ZNF423: variants seen among roughly 807,000 people sequenced by gnomAD.
ZNF423 encodes the protein Ebf-associated zinc finger protein.
In ZNF423, 12 loss-of-function variants were observed where a neutral mutation model predicts 95.8. The observed-to-expected ratio is 0.13, with a 90% CI of 0.08 to 0.20. ZNF423 has a LOEUF of 0.20. Among genes scored for constraint, ZNF423 ranks in the 10% least tolerant of loss-of-function variants. The pLI is 1.00. For missense variants in ZNF423, 1,316 were observed against 1,737.1 expected, an observed-to-expected ratio of 0.76 and a Z score of 4.31; for synonymous variants, 749 against 711.9, an observed-to-expected ratio of 1.05 and a Z score of -0.83.
At chr16:49,772,975 A>C (rs928236210) in intron 2 of ZNF423, among the ~76,000 whole-genome samples, 3 of 152,242 alleles carry the variant, frequency 2.0e-5, no homozygotes, top group African/African-American at 7.2e-5. Context: ...CCTTCTTCAC[A>C]GGGTGGCAGG....
At chr16:49,800,635 G>T (rs1297908036) in intron 1 of ZNF423, among the ~76,000 whole-genome samples, 1 of 152,172 alleles carries the variant, frequency 6.6e-6, no homozygotes. Context: ...CCCAATGTGA[G>T]CAGGAAAGGC....
At chr16:49,786,142 C>T (rs960802219) in intron 2 of ZNF423, among the ~76,000 whole-genome samples, 8 of 152,240 alleles carry the variant, frequency 5.3e-5, no homozygotes, top group Non-Finnish European at 7.3e-5. Flanking sequence ...CCGCTCCCCA[C>T]GCCCCCGCCT....
chr16:49,525,750 A>C (rs912209229), intron 5 of ZNF423, among the ~76,000 whole-genome samples: 5 of 152,176 alleles, frequency 3.3e-5, no homozygotes, highest in Non-Finnish European at 7.3e-5. Context: ...CTGCTGATCA[A>C]GCAGCCAGGT....
intron 5 of ZNF423, among the ~76,000 whole-genome samples, chr16:49,565,562 C>T (rs1970160739): frequency 6.6e-6 from 1 of 152,110 alleles, no homozygotes; most frequent in Admixed American, 6.5e-5. Flanking sequence ...TTGTGGAAGC[C>T]CTCCCACGTG....
chr16:49,818,444 G>A (rs1597038216), intron 1 of ZNF423, among the ~76,000 whole-genome samples: 2 of 152,196 alleles, frequency 1.3e-5, no homozygotes, highest in South Asian at 2.1e-4. Context: ...GCATGGTGGT[G>A]CATGCATATA....
intron 5 of ZNF423, among the ~76,000 whole-genome samples, chr16:49,601,841 C>A (rs143009909): frequency 6.6e-6 from 1 of 152,230 alleles, no homozygotes; most frequent in Non-Finnish European, 1.5e-5. Flanking sequence ...GGAGCCAGGG[C>A]GGAGGAAACA....
intron 1 of ZNF423, among the ~76,000 whole-genome samples, chr16:49,844,485 A>G (rs1439103066): frequency 6.6e-6 from 1 of 152,030 alleles, no homozygotes; most frequent in East Asian, 1.9e-4. Flanking sequence ...TGCAGCTCCC[A>G]CCTCCTCATC....
At chr16:49,697,007 C>T (rs1381893472) in intron 3 of ZNF423, among the ~76,000 whole-genome samples, 1 of 152,186 alleles carries the variant, frequency 6.6e-6, no homozygotes, top group South Asian at 2.1e-4. Context: ...CACAGGGAAT[C>T]GCCGGAGGGT....
At chr16:49,737,597 G>A (rs1335052451) in intron 2 of ZNF423, among the ~76,000 whole-genome samples, 1 of 152,244 alleles carries the variant, frequency 6.6e-6, no homozygotes, top group Non-Finnish European at 1.5e-5. Context: ...AAGGCAGAAA[G>A]GGAATGCCTG....
chr16:49,521,999 A>G (rs1968417541), intron 7 of ZNF423, among the ~76,000 whole-genome samples: 2 of 152,242 alleles, frequency 1.3e-5, no homozygotes, highest in African/African-American at 4.8e-5. Flanking sequence ...ACAACAGGCC[A>G]CAGCTGTGCC....
intron 5 of ZNF423, among the ~76,000 whole-genome samples, chr16:49,544,543 G>A (rs537323739): frequency 2.6e-5 from 4 of 152,316 alleles, no homozygotes; most frequent in South Asian, 2.1e-4. Context: ...AACTTCCTCC[G>A]TGACAGGTGA....
chr16:49,852,640 G>A (rs972717006), intron 1 of ZNF423, among the ~76,000 whole-genome samples: 3 of 152,108 alleles, frequency 2.0e-5, no homozygotes, highest in Admixed American at 6.6e-5. Flanking sequence ...AAAAAGGGGA[G>A]AAAGGTGTAG....
intron 3 of ZNF423, chr16:49,730,469 C>A (rs2033135682): frequency 2.3e-6 from 1 of 431,776 alleles, no homozygotes; most frequent in East Asian, 4.6e-5. Context: ...TTCCAAAAGG[C>A]CTTCCAGAAA....
rs139380625 is a variant in ZNF423, at chr16:49,779,244, A to C, written c.100+10243T>G. Among the ~76,000 whole-genome samples, 1,117 of 152,000 alleles carry C rather than the reference A, an allele frequency of 7.3e-3. 5 individuals carry two copies. Among genetic ancestry groups the C allele is most frequent in the Admixed American group, 0.016 (248 of 15,262 alleles). Reference sequence around the variant, plus strand: ...GCATCAGGGAGCTGGGTATAAGAGAAGGAACATTAGAACCAAGCAGAGGGC... The same window carrying C: ...GCATCAGGGAGCTGGGTATAAGAGACGGAACATTAGAACCAAGCAGAGGGC... On this transcript the variant is annotated intron_variant, in intron 2 of 7. Transcript: ENST00000563137.
intron 1 of ZNF423, chr16:49,822,614 TTC>T: frequency 6.8e-7 from 1 of 1,459,942 alleles, no homozygotes; most frequent in Non-Finnish European, 9.3e-7. Flanking sequence ...TTCGAGCTCC[TTC>T]TGTCTGCCTA....
intron 5 of ZNF423, among the ~76,000 whole-genome samples, chr16:49,539,416 T>A (rs1343217643): frequency 6.6e-6 from 1 of 152,208 alleles, no homozygotes; most frequent in African/African-American, 2.4e-5. Flanking sequence ...GCTATAGCTT[T>A]CTGGTGGCAC....
chr16:49,596,249 A>G (rs1971175149), intron 5 of ZNF423, among the ~76,000 whole-genome samples: 2 of 152,226 alleles, frequency 1.3e-5, no homozygotes, highest in African/African-American at 4.8e-5. Context: ...GGAAAGTAAT[A>G]GATTTGTCAA....
chr16:49,522,635 T>C (rs1968449360), intron 7 of ZNF423, among the ~76,000 whole-genome samples: 2 of 152,176 alleles, frequency 1.3e-5, no homozygotes, highest in African/African-American at 4.8e-5. Context: ...ATGTGTGATA[T>C]ATCTGTGGAC....
chr16:49,828,216 G>A (rs1024838466), intron 1 of ZNF423, among the ~76,000 whole-genome samples: 10 of 152,138 alleles, frequency 6.6e-5, no homozygotes, highest in African/African-American at 2.2e-4. Context: ...CACCACTTAC[G>A]GGAGGCTCAG....
Sources: allele counts gnomAD v4.1 joint callset (sites outside exome capture counted in the v4.1 genomes callset), GRCh38; gene constraint gnomAD v4.1.1; transcripts MANE v1.5; gene names NCBI Gene and HGNC (gene_info 2026-07-23, HGNC 2026-07-21).